Variants in PRKG1 observed in about 807,000 individuals in gnomAD.
The protein encoded by PRKG1 is cGMP-dependent protein kinase 1.
PRKG1 carries 35 observed loss-of-function variants against 88.1 expected under a neutral mutation model. The ratio of observed to expected loss-of-function variants is 0.40; its 90% CI spans 0.30 to 0.53. The LOEUF is 0.53. Among genes scored for constraint, PRKG1 ranks in the 20% least tolerant of loss-of-function variants. The pLI, the probability that PRKG1 is intolerant of heterozygous loss-of-function variation, is 0.59. For missense variants in PRKG1, 540 were observed against 839.8 expected, an observed-to-expected ratio of 0.64 and a Z score of 4.41; for synonymous variants, 303 against 292.5, an observed-to-expected ratio of 1.04 and a Z score of -0.37.
At chr10:51,335,773 C>A (rs1841861009) in intron 2 of PRKG1, among the ~76,000 whole-genome samples, 1 of 152,100 alleles carries the variant, frequency 6.6e-6, no homozygotes, top group South Asian at 2.1e-4. Flanking sequence ...CAGCCAACTT[C>A]TATATAATTC....
At chr10:51,703,903 C>T (rs778479734) in intron 3 of PRKG1, among the ~76,000 whole-genome samples, 12 of 152,002 alleles carry the variant, frequency 7.9e-5, no homozygotes, top group Non-Finnish European at 1.0e-4. Flanking sequence ...CTTTGGAAGG[C>T]GGAGGTGGGT....
At chr10:51,850,395 G>A (rs185019996) in intron 4 of PRKG1, among the ~76,000 whole-genome samples, 125 of 152,000 alleles carry the variant, frequency 8.2e-4, no homozygotes, top group African/African-American at 2.9e-3. Flanking sequence ...CAGGTTGGTC[G>A]CAAATTCCTG....
In PRKG1 at chr10:51,628,136, C is replaced by A. The variant is rs56178469; in HGVS notation, c.592+160300C>A. Among the ~76,000 whole-genome samples, 4 of 11,758 alleles carry A rather than the reference C, an allele frequency of 3.4e-4. No individual in the cohort carries two copies. In the East Asian group the frequency reaches 0.02, roughly 58 times the overall value. The allele number at this position is 11,758 out of a possible 152,430, so 7.7% of individuals were successfully genotyped here. A position where few individuals can be genotyped will look rare whatever the true frequency, so the allele number is the denominator to read the frequency against. ...CTTCTTTATTTCTCTTTCTTTCTTT[C>A]TTTCTTTCTTTCTTTCTTTCTTTCT... is the stretch of plus-strand genomic sequence containing the variant. On this transcript the variant is annotated intron_variant, in intron 3 of 17. Transcript: ENST00000373980.
Position 51,312,792 on chromosome 10 carries a change from C to G in PRKG1, c.479-154931C>G, listed in dbSNP as rs16916668. ...TTCACAAATATACTATTTCCAGTCC[C>G]CAAGTAGTGGGGTACACAATTTTAT... On this transcript the variant is annotated intron_variant, in intron 2 of 17. Coordinates refer to ENST00000373980, the MANE Select transcript of PRKG1 (RefSeq NM_006258.4). 6.9e-3 allele frequency among the ~76,000 whole-genome samples: 1,044 copies of G among 151,938 alleles called. 9 individuals carry two copies. The highest frequency in any genetic ancestry group is 0.024 in the African/African-American group (995 of 41,428).
chr10:52,229,579 T>A (rs1458191081), intron 9 of PRKG1, among the ~76,000 whole-genome samples: 1 of 152,198 alleles, frequency 6.6e-6, no homozygotes, highest in East Asian at 1.9e-4. Flanking sequence ...AGAGAGGACA[T>A]CTCAGACTTT....
intron 2 of PRKG1, among the ~76,000 whole-genome samples, chr10:51,307,844 A>T (rs992046250): frequency 2.6e-5 from 4 of 152,174 alleles, no homozygotes; most frequent in African/African-American, 9.6e-5. Context: ...TTAAGAGCAG[A>T]TTAATATAGC....
intron 3 of PRKG1, among the ~76,000 whole-genome samples, chr10:51,579,652 C>T (rs1310897278): frequency 6.6e-6 from 1 of 152,058 alleles, no homozygotes; most frequent in East Asian, 1.9e-4. Flanking sequence ...TCATGAAGTC[C>T]TTTTCTGATC....
At chr10:51,732,842 T>A (rs190099314) in intron 3 of PRKG1, among the ~76,000 whole-genome samples, 37 of 152,282 alleles carry the variant, frequency 2.4e-4, no homozygotes, top group African/African-American at 8.9e-4. Flanking sequence ...AGATGTCTTA[T>A]TCATTTTGGG....
At chr10:51,290,117 T>A (rs1285167270) in intron 2 of PRKG1, among the ~76,000 whole-genome samples, 2 of 152,132 alleles carry the variant, frequency 1.3e-5, no homozygotes, top group African/African-American at 4.8e-5. Context: ...GGCACTTGTG[T>A]GTTCATGTTG....
chr10:52,072,158 C>CTTTTTTTTT (rs60576406), intron 7 of PRKG1, among the ~76,000 whole-genome samples: 26 of 39,554 alleles, frequency 6.6e-4, no homozygotes, highest in East Asian at 4.6e-3. Flanking sequence ...TATTGTTTTG[C>CTTTTTTTTT]TTTTTTTTTT....
chr10:51,372,893 T>G (rs930755756), intron 2 of PRKG1, among the ~76,000 whole-genome samples: 1 of 152,196 alleles, frequency 6.6e-6, no homozygotes, highest in Non-Finnish European at 1.5e-5. Flanking sequence ...TTGTTCATAA[T>G]GTATTATATT....
chr10:51,319,956 T>C, intron 2 of PRKG1: 1 of 226,974 alleles, frequency 4.4e-6, no homozygotes, highest in Non-Finnish European at 9.6e-6. Flanking sequence ...TCCCATACCA[T>C]ACAACTGGTC....
At chr10:51,201,602 T>C (rs1326853805) in intron 2 of PRKG1, among the ~76,000 whole-genome samples, 2 of 152,228 alleles carry the variant, frequency 1.3e-5, no homozygotes, top group Non-Finnish European at 2.9e-5. Context: ...TGAAATCTAA[T>C]CTCCAATATG....
chr10:51,927,730 T>C (rs1004985017), intron 5 of PRKG1, among the ~76,000 whole-genome samples: 1 of 152,156 alleles, frequency 6.6e-6, no homozygotes, highest in African/African-American at 2.4e-5. Context: ...CTTCTATTAC[T>C]AGGACTGAAA....
At chr10:51,277,318 T>C (rs969461857) in intron 2 of PRKG1, among the ~76,000 whole-genome samples, 1 of 152,232 alleles carries the variant, frequency 6.6e-6, no homozygotes, top group Non-Finnish European at 1.5e-5. Context: ...TCCATTGGTC[T>C]ATAGCTCTGT....
chr10:51,310,672 CT>C (rs904964551), intron 2 of PRKG1, among the ~76,000 whole-genome samples: 2 of 152,036 alleles, frequency 1.3e-5, no homozygotes, highest in African/African-American at 4.8e-5. Context: ...TTTCTGTATA[CT>C]TTTTTTCTCA....
intron 3 of PRKG1, among the ~76,000 whole-genome samples, chr10:51,676,769 A>T (rs1840721963): frequency 6.6e-6 from 1 of 152,196 alleles, no homozygotes. Context: ...GACAACACTT[A>T]TTTTAAAGTA....
intron 2 of PRKG1, among the ~76,000 whole-genome samples, chr10:51,247,009 G>A (rs1839309009): frequency 6.6e-6 from 1 of 152,024 alleles, no homozygotes; most frequent in African/African-American, 2.4e-5. Context: ...TGCATTTGTG[G>A]ATTCTGGATT....
At chr10:51,202,381 G>A (rs1837933704) in intron 2 of PRKG1, among the ~76,000 whole-genome samples, 1 of 152,114 alleles carries the variant, frequency 6.6e-6, no homozygotes, top group Non-Finnish European at 1.5e-5. Flanking sequence ...ATCTTTGCCT[G>A]CCATCCTCCA....
Sources: allele counts gnomAD v4.1 joint callset (sites outside exome capture counted in the v4.1 genomes callset), GRCh38; gene constraint gnomAD v4.1.1; transcripts MANE v1.5; gene names NCBI Gene and HGNC (gene_info 2026-07-23, HGNC 2026-07-21).